Variants in NSMCE2 observed in about 807,000 individuals in gnomAD.
NSMCE2 encodes the protein NSE2 SUMO ligase component of SMC5/6 complex.
A neutral mutation model predicts 23.8 loss-of-function variants in NSMCE2; 24 were observed. The observed-to-expected ratio is 1.01, with a 90% confidence interval of 0.73 to 1.42. The LOEUF (loss-of-function observed/expected upper bound fraction) is 1.42. Ranked by LOEUF, NSMCE2 falls within the 40% of genes most tolerant of loss-of-function variation. The pLI is 0.00. For missense variants in NSMCE2, 284 were observed against 296.5 expected (o/e 0.96, Z 0.31); for synonymous variants, 92 against 94.1 (o/e 0.98, Z 0.13).
At chr8:125,217,854 C>T (rs66929016) in intron 5 of NSMCE2, among the ~76,000 whole-genome samples, 8,148 of 150,622 alleles carry the variant, frequency 0.054, 334 homozygotes, top group South Asian at 0.096. Context: ...TTCCACTATA[C>T]TTAGTGGCAG....
chr8:125,211,174 T>G (rs1395679828), intron 5 of NSMCE2, among the ~76,000 whole-genome samples: 1 of 152,218 alleles, frequency 6.6e-6, no homozygotes, highest in Admixed American at 6.5e-5. Context: ...TCTCTGCTCT[T>G]CTTTAAAGGT....
intron 4 of NSMCE2, among the ~76,000 whole-genome samples, chr8:125,176,093 A>G (rs1265637165): frequency 6.6e-6 from 1 of 152,202 alleles, no homozygotes; most frequent in Non-Finnish European, 1.5e-5. Flanking sequence ...AGTATTCACA[A>G]GTGATTTTGA....
intron 4 of NSMCE2, among the ~76,000 whole-genome samples, chr8:125,166,885 C>T (rs1459840653): frequency 1.3e-5 from 2 of 152,190 alleles, no homozygotes; most frequent in Non-Finnish European, 2.9e-5. Context: ...CAAAGTTGGC[C>T]AGGCCTGGTG....
chr8:125,181,664 A>G (rs1822818452), intron 4 of NSMCE2, among the ~76,000 whole-genome samples: 1 of 152,036 alleles, frequency 6.6e-6, no homozygotes, highest in Non-Finnish European at 1.5e-5. Context: ...CACTTTTGTA[A>G]AGCAGAAGTG....
intron 5 of NSMCE2, among the ~76,000 whole-genome samples, chr8:125,236,817 CT>C (rs926985848): frequency 4.9e-4 from 71 of 145,228 alleles, no homozygotes; most frequent in Middle Eastern, 3.5e-3. Context: ...TTCTTTCTTT[CT>C]TTTTTTTTTT....
chr8:125,129,107 A>G (rs1298514296), intron 3 of NSMCE2, among the ~76,000 whole-genome samples: 1 of 152,176 alleles, frequency 6.6e-6, no homozygotes, highest in Non-Finnish European at 1.5e-5. Context: ...AAAGATATAG[A>G]TATGACAAAA....
At chr8:125,289,220 A>G (rs1828013947) in intron 5 of NSMCE2, among the ~76,000 whole-genome samples, 1 of 152,220 alleles carries the variant, frequency 6.6e-6, no homozygotes, top group Admixed American at 6.5e-5. Context: ...AACACATGAA[A>G]AGCATTGGAA....
At chr8:125,104,640 T>C (rs184391088) in intron 3 of NSMCE2, among the ~76,000 whole-genome samples, 110 of 152,266 alleles carry the variant, frequency 7.2e-4, no homozygotes, top group African/African-American at 2.3e-3. Context: ...CCAGTGCAGA[T>C]TCCTAGAGCT....
intron 5 of NSMCE2, among the ~76,000 whole-genome samples, chr8:125,321,848 T>C (rs529904805): frequency 2.0e-5 from 3 of 152,270 alleles, no homozygotes; most frequent in African/African-American, 4.8e-5. Flanking sequence ...GTTTTTGTTG[T>C]TGTTGTTTTT....
At chr8:125,279,030 C>T (rs1827589901) in intron 5 of NSMCE2, among the ~76,000 whole-genome samples, 1 of 152,064 alleles carries the variant, frequency 6.6e-6, no homozygotes, top group Non-Finnish European at 1.5e-5. Flanking sequence ...CAGCTATAAC[C>T]ACCACGAGGG....
At chr8:125,098,677 A>AG (rs1427559245) in intron 1 of NSMCE2, among the ~76,000 whole-genome samples, 3 of 152,122 alleles carry the variant, frequency 2.0e-5, no homozygotes, top group Admixed American at 1.3e-4. Context: ...AGTTTGGTAT[A>AG]GGATATGAGG....
At chr8:125,275,146 C>T (rs1034032853) in intron 5 of NSMCE2, among the ~76,000 whole-genome samples, 4 of 151,798 alleles carry the variant, frequency 2.6e-5, no homozygotes, top group Admixed American at 6.6e-5. Context: ...ATCAAGGCCC[C>T]TAAAACTCTT....
intron 5 of NSMCE2, among the ~76,000 whole-genome samples, chr8:125,251,798 G>C (rs1826206711): frequency 6.6e-6 from 1 of 152,160 alleles, no homozygotes; most frequent in Non-Finnish European, 1.5e-5. Context: ...TAAATCATTT[G>C]CTCAAGGTCT....
intron 5 of NSMCE2, among the ~76,000 whole-genome samples, chr8:125,256,692 G>A (rs1220518084): frequency 2.6e-5 from 4 of 152,106 alleles, no homozygotes; most frequent in African/African-American, 4.8e-5. Context: ...TTGGGAGGCC[G>A]AGGCGGGTGG....
At chr8:125,201,104 T>A (rs1823852634) in intron 5 of NSMCE2, among the ~76,000 whole-genome samples, 1 of 152,226 alleles carries the variant, frequency 6.6e-6, no homozygotes, top group South Asian at 2.1e-4. Flanking sequence ...TTCCTTGTGA[T>A]GGGTTAGAAC....
At chr8:125,161,817 G>A (rs796118956) in intron 4 of NSMCE2, among the ~76,000 whole-genome samples, 18 of 151,770 alleles carry the variant, frequency 1.2e-4, no homozygotes, top group African/African-American at 4.4e-4. Context: ...ATCGGAAACG[G>A]TAACCAGAAA....
rs552999638 is a variant in NSMCE2, at chr8:125,127,977, C to T, written c.158-23194C>T. On this transcript the variant is annotated intron_variant, in intron 3 of 7. Coordinates refer to ENST00000287437, the MANE Select transcript of NSMCE2 (RefSeq NM_173685.4). Reference sequence around the variant, plus strand: ...TTTTCCACTTGTGGTGTCATGTCAGCGCTCAAAAAAGCTTTGGATTTTGGA... The same window carrying T: ...TTTTCCACTTGTGGTGTCATGTCAGTGCTCAAAAAAGCTTTGGATTTTGGA... 3.1e-3 allele frequency among the ~76,000 whole-genome samples: 466 copies of T among 152,218 alleles called. 3 individuals are homozygous for T. Among genetic ancestry groups the T allele is most frequent in the African/African-American group, 0.011 (449 of 41,542 alleles).
At chr8:125,186,074 C>T (rs914304913) in intron 5 of NSMCE2, among the ~76,000 whole-genome samples, 1 of 152,154 alleles carries the variant, frequency 6.6e-6, no homozygotes. Context: ...TCCTGATTTT[C>T]TATGGCCTGC....
At chr8:125,358,783 C>CA (rs1813398144) in intron 7 of NSMCE2, among the ~76,000 whole-genome samples, 1 of 152,148 alleles carries the variant, frequency 6.6e-6, no homozygotes. Context: ...TGGAATTCCC[C>CA]AGCACTCCTC....
Sources: allele counts gnomAD v4.1 joint callset (sites outside exome capture counted in the v4.1 genomes callset), GRCh38; gene constraint gnomAD v4.1.1; transcripts MANE v1.5; gene names NCBI Gene and HGNC (gene_info 2026-07-23, HGNC 2026-07-21).